UBN2: variants seen among roughly 807,000 people sequenced by gnomAD.
The protein encoded by UBN2 is ubinuclein-2.
In UBN2, 35 loss-of-function variants were observed where a neutral mutation model predicts 120.2. That is an observed-to-expected ratio of 0.29 (90% CI 0.22 to 0.39). UBN2 has a LOEUF of 0.39. Among genes scored for constraint, UBN2 ranks in the 10% least tolerant of loss-of-function variants. The probability of loss-of-function intolerance (pLI) is 1.00; values close to 1 mark genes in which losing one functional copy is unlikely to be tolerated. For missense variants in UBN2, 1,693 were observed against 1,663.2 expected (o/e 1.02, Z -0.31); for synonymous variants, 661 against 648.7 (o/e 1.02, Z -0.29).
chr7:139,297,554 A>T (rs1798143945), intron 17 of UBN2, among the ~76,000 whole-genome samples: 1 of 152,202 alleles, frequency 6.6e-6, no homozygotes, highest in Admixed American at 6.5e-5. Flanking sequence ...TATTTAAAAA[A>T]CACTGAAAAC....
In UBN2 at chr7:139,301,619, A is replaced by G. The variant is rs1208106352; in HGVS notation, c.*3783A>G. 1 of 151,892 alleles carries G rather than the reference A, an allele frequency of 6.6e-6. No homozygotes were observed. Among genetic ancestry groups the G allele is most frequent in the Non-Finnish European group, 1.5e-5 (1 of 67,986 alleles). 9.4% of individuals were successfully genotyped at this position (151,892 alleles called of 1,614,324 possible). A position where few individuals can be genotyped will look rare whatever the true frequency, so the allele number is the denominator to read the frequency against. ...TAGAATTAGGATACTTTATTTTAGGAGTGTACCGTAAAAGCACACTGGTCC... is the reference window on the plus strand; with the variant it reads ...TAGAATTAGGATACTTTATTTTAGGGGTGTACCGTAAAAGCACACTGGTCC... On this transcript the variant is annotated 3_prime_UTR_variant, in exon 18 of 18. Coordinates refer to ENST00000473989, the MANE Select transcript of UBN2 (RefSeq NM_173569.4).
At chr7:139,320,932 T>C in the UBN2 span, among the ~76,000 whole-genome samples, 1 of 152,000 alleles carries the variant, frequency 6.6e-6, no homozygotes, top group Non-Finnish European at 1.5e-5. Context: ...AATATATAAA[T>C]ATGTAAAAAT....
Position 139,231,762 on chromosome 7 carries a change from C to T in UBN2, c.278C>T (p.Pro93Leu). Residue 93 changes from proline (P) to leucine (L), a missense_variant, in exon 1 of 18, where the codon CCC becomes CTC. Pro to Leu is a moderately conservative substitution (Grantham distance 98). Around this residue, in one of 5 missense-constraint regions of UBN2, gnomAD observed 663 missense variants for 591.2 expected, o/e 1.12. Transcript: ENST00000473989. ...PMSLQREPPRPEPPPPFPPLP... is the reference protein window; with the variant it reads ...PMSLQREPPRLEPPPPFPPLP... ...TCGCTGCAGCGGGAGCCCCCGCGGC[C>T]CGAGCCGCCGCCGCCGTTCCCGCCG... 1 of 1,243,416 alleles carries T rather than the reference C, an allele frequency of 8.0e-7. No homozygotes were observed. Among genetic ancestry groups the T allele is most frequent in the Non-Finnish European group, 1.0e-6 (1 of 998,744 alleles). The allele number at this position is 1,243,416 out of a possible 1,614,324, so 77.0% of individuals were successfully genotyped here.
the UBN2 span, among the ~76,000 whole-genome samples, chr7:139,322,847 T>A: frequency 6.6e-6 from 1 of 151,966 alleles, no homozygotes; most frequent in Non-Finnish European, 1.5e-5. Context: ...TGGACTTTTT[T>A]AAAAAACCAA....
chr7:139,239,141 C>G (rs1043166772), intron 2 of UBN2, among the ~76,000 whole-genome samples: 7 of 152,172 alleles, frequency 4.6e-5, no homozygotes, highest in Non-Finnish European at 8.8e-5. Flanking sequence ...AGATACATCT[C>G]TATACATACA....
the UBN2 span, among the ~76,000 whole-genome samples, chr7:139,322,385 G>GT: frequency 6.6e-6 from 1 of 152,216 alleles, no homozygotes; most frequent in Non-Finnish European, 1.5e-5. Context: ...AGGAAAGAAC[G>GT]TATCATTACA....
chr7:139,297,752 T>C (rs775899467), intron 17 of UBN2, 35 bp from the exon 18 acceptor site: 57 of 1,608,346 alleles, frequency 3.5e-5, no homozygotes, highest in Middle Eastern at 1.7e-4. Flanking sequence ...TTGTAACATA[T>C]GGACCCATAC....
rs758611794 is a variant in UBN2, at chr7:139,293,337, G to T, written c.3775G>T (p.Gly1259Cys). The change falls in exon 16 of 18, where the codon GGC becomes TGC. Residue 1259 changes from glycine to cysteine, a missense_variant. Physicochemically the swap from Gly to Cys is radical, Grantham distance 159. Transcript: ENST00000473989. ...TGTGACTCCTTTTGGGATGCTGGGT[G>T]GCCTTGTTCCAGTGACCATGCCCTT... Reference protein sequence around the residue: ...QNVTPFGMLGGLVPVTMPFQF... With the variant: ...QNVTPFGMLGCLVPVTMPFQF... 1 of 1,614,134 alleles carries T rather than the reference G, an allele frequency of 6.2e-7. No homozygotes were observed. Among genetic ancestry groups the T allele is most frequent in the East Asian group, 2.2e-5 (1 of 44,880 alleles).
intron 12 of UBN2, among the ~76,000 whole-genome samples, chr7:139,279,081 T>A (rs1183934326): frequency 6.6e-6 from 1 of 152,170 alleles, no homozygotes; most frequent in East Asian, 1.9e-4. Flanking sequence ...TTTAATTTTT[T>A]AAAAATTGTA....
intron 3 of UBN2, among the ~76,000 whole-genome samples, chr7:139,252,502 T>G (rs1489255239): frequency 6.6e-6 from 1 of 152,238 alleles, no homozygotes; most frequent in Non-Finnish European, 1.5e-5. Flanking sequence ...TCGTGTGTTG[T>G]GAAATATTAA....
intron 2 of UBN2, among the ~76,000 whole-genome samples, chr7:139,246,552 G>A (rs1041161167): frequency 3.3e-5 from 5 of 152,166 alleles, no homozygotes; most frequent in African/African-American, 7.2e-5. Context: ...TTTTGAAATA[G>A]CATTATTGAG....
At chr7:139,324,555 CAAAAAAA>C in the UBN2 span, among the ~76,000 whole-genome samples, 42 of 68,916 alleles carry the variant, frequency 6.1e-4, no homozygotes, top group Non-Finnish European at 1.0e-3. Flanking sequence ...GACTCCATCT[CAAAAAAA>C]AAAAAAAAAA....
intron 2 of UBN2, among the ~76,000 whole-genome samples, chr7:139,245,410 C>T (rs972416385): frequency 6.6e-5 from 10 of 152,058 alleles, no homozygotes; most frequent in African/African-American, 2.4e-4. Context: ...AGCTTTAAGT[C>T]TTTTATTTGC....
chr7:139,271,802 T>C (rs563817313), intron 8 of UBN2, among the ~76,000 whole-genome samples: 1 of 152,310 alleles, frequency 6.6e-6, no homozygotes, highest in East Asian at 1.9e-4. Context: ...TTCCTTTCAC[T>C]TTGGCCTTGA....
chr7:139,237,041 G>T lies in UBN2; in HGVS notation c.505G>T (p.Glu169Ter). ...TCACACAGAAGACCCATTTAATGAT[G>T]AACATCAGGAGAGGCAAGAGGTGGA... ...LIHTEDPFNDEHQERQEVEML... is the reference protein window; with the variant it reads ...LIHTEDPFND The change falls in exon 2 of 18, where the codon GAA (glutamate) becomes TAA (stop). Residue 169 changes from glutamate (E) to a stop codon, truncating the protein, a stop_gained. Transcript: ENST00000473989. LOFTEE classifies it high-confidence loss of function. The T allele has an allele frequency of 1.2e-6, 2 of 1,611,058 alleles. No individual in the cohort carries two copies. The highest frequency in any genetic ancestry group is 2.2e-5 in the South Asian group (2 of 90,914).
At position 139,261,543 on chromosome 7, in the gene UBN2, C is replaced by A. The variant is rs1171680113; in HGVS notation, c.1197C>A (p.Ala399=). The A allele has an allele frequency of 6.2e-7, 1 of 1,613,958 alleles. No individual in the cohort carries two copies. Among genetic ancestry groups the A allele is most frequent in the African/African-American group, 1.3e-5 (1 of 74,866 alleles). ...AGCTGTTTCAGGAAGCTGAAAATGC[C>A]CTAGAGATGCTAGATGATTTTGACT... The part of the protein sequence containing the change: ...EHELFQEAEN[A]LEMLDDFDFD... The change falls in exon 6 of 18, where the codon GCC becomes GCA. Residue 399 remains alanine, a synonymous_variant. Transcript: ENST00000473989.
At chr7:139,246,586 C>T (rs1796476214) in intron 2 of UBN2, among the ~76,000 whole-genome samples, 1 of 152,152 alleles carries the variant, frequency 6.6e-6, no homozygotes, top group South Asian at 2.1e-4. Flanking sequence ...AAATATAATT[C>T]ATCCGTTTTA....
intron 5 of UBN2, 73 bp downstream of exon 5, chr7:139,259,443 T>C: frequency 6.4e-7 from 1 of 1,560,342 alleles, no homozygotes; most frequent in Non-Finnish European, 8.7e-7. Context: ...AAGATATACT[T>C]ACCATTAACT....
intron 15 of UBN2, among the ~76,000 whole-genome samples, chr7:139,289,682 G>A (rs915147958): frequency 6.6e-6 from 1 of 152,066 alleles, no homozygotes; most frequent in African/African-American, 2.4e-5. Context: ...AAAGTGCTGG[G>A]ATAATAGGAG....
Sources: allele counts gnomAD v4.1 joint callset (sites outside exome capture counted in the v4.1 genomes callset), GRCh38; gene constraint gnomAD v4.1.1; regional missense constraint gnomAD v4.1.1; transcripts MANE v1.5; gene names NCBI Gene and HGNC (gene_info 2026-07-23, HGNC 2026-07-21).